CTNNA3: variants seen among roughly 807,000 people sequenced by gnomAD.
CTNNA3 encodes catenin alpha-3.
Under a neutral mutation model 95.7 loss-of-function variants are expected in CTNNA3, and 76 were observed. The observed-to-expected ratio is 0.79, with a 90% CI of 0.66 to 0.96. The LOEUF is 0.96. Ranked by LOEUF, CTNNA3 falls within the 40% of genes least tolerant of loss-of-function variation. The pLI is 0.00. For missense variants in CTNNA3, 1,191 were observed against 1,089.8 expected, an observed-to-expected ratio of 1.09 and a Z score of -1.31; for synonymous variants, 431 against 374.4, an observed-to-expected ratio of 1.15 and a Z score of -1.74.
chr10:67,477,406 C>A (rs751675488), intron 5 of CTNNA3, among the ~76,000 whole-genome samples: 37 of 152,246 alleles, frequency 2.4e-4, no homozygotes, highest in Non-Finnish European at 5.1e-4. Context: ...TGAATTAGCC[C>A]ACTGCCTGAA....
At chr10:67,371,193 T>C (rs542351894) in intron 5 of CTNNA3, among the ~76,000 whole-genome samples, 6 of 151,702 alleles carry the variant, frequency 4.0e-5, no homozygotes, top group Non-Finnish European at 8.8e-5. Context: ...CAAGAAATTG[T>C]TCCTTTTTTT....
chr10:66,186,568 AT>A (rs1247110755), intron 13 of CTNNA3, among the ~76,000 whole-genome samples: 1 of 152,228 alleles, frequency 6.6e-6, no homozygotes, highest in African/African-American at 2.4e-5. Context: ...AACATTTCAT[AT>A]GTTAATAAGA....
At chr10:67,378,122 T>G (rs1268031582) in intron 5 of CTNNA3, among the ~76,000 whole-genome samples, 1 of 152,210 alleles carries the variant, frequency 6.6e-6, no homozygotes, top group African/African-American at 2.4e-5. Flanking sequence ...TAGTGTCCTA[T>G]GTTCTACTTT....
intron 7 of CTNNA3, among the ~76,000 whole-genome samples, chr10:66,832,447 C>G (rs1414252086): frequency 6.6e-6 from 1 of 151,910 alleles, no homozygotes; most frequent in Non-Finnish European, 1.5e-5. Context: ...TTAAGGCACA[C>G]CAGTTAAGAA....
chr10:66,123,987 C>T (rs2082706559), intron 13 of CTNNA3, among the ~76,000 whole-genome samples: 1 of 152,002 alleles, frequency 6.6e-6, no homozygotes, highest in African/African-American at 2.4e-5. Flanking sequence ...GAGACATTAT[C>T]CCCATTGTCT....
intron 7 of CTNNA3, among the ~76,000 whole-genome samples, chr10:67,156,589 T>G (rs1367282496): frequency 6.6e-6 from 1 of 152,102 alleles, no homozygotes; most frequent in African/African-American, 2.4e-5. Context: ...ATTTTCCAGT[T>G]TTTCTTCTGC....
chr10:67,152,373 T>A (rs1861121502), intron 7 of CTNNA3, among the ~76,000 whole-genome samples: 1 of 152,190 alleles, frequency 6.6e-6, no homozygotes, highest in African/African-American at 2.4e-5. Context: ...GACCTAAAAA[T>A]TATGTGCCCG....
intron 5 of CTNNA3, among the ~76,000 whole-genome samples, chr10:67,459,819 T>C (rs1453879332): frequency 6.6e-6 from 1 of 152,150 alleles, no homozygotes; most frequent in East Asian, 1.9e-4. Context: ...CTTCTTATAC[T>C]TCCATCTCTG....
intron 5 of CTNNA3, among the ~76,000 whole-genome samples, chr10:67,351,916 A>G (rs1589201597): frequency 6.6e-6 from 1 of 152,152 alleles, no homozygotes; most frequent in South Asian, 2.1e-4. Context: ...ATTAACCAGA[A>G]GTCAGGCTTA....
At chr10:67,507,205 G>A (rs756713176) in intron 5 of CTNNA3, among the ~76,000 whole-genome samples, 6 of 152,124 alleles carry the variant, frequency 3.9e-5, no homozygotes, top group Non-Finnish European at 8.8e-5. Flanking sequence ...TGAAGAAATG[G>A]AAAATCTGAA....
intron 5 of CTNNA3, among the ~76,000 whole-genome samples, chr10:67,287,044 A>G (rs1038772927): frequency 1.3e-5 from 2 of 150,714 alleles, no homozygotes; most frequent in African/African-American, 5.0e-5. Context: ...CTGGAACATG[A>G]AAAAACATGC....
intron 5 of CTNNA3, among the ~76,000 whole-genome samples, chr10:67,259,233 T>G (rs1866488213): frequency 6.6e-6 from 1 of 152,114 alleles, no homozygotes; most frequent in Admixed American, 6.6e-5. Context: ...CCTAAACCCA[T>G]TCTGCGGAGT....
At chr10:67,718,859 A>G (rs1267022431) in intron 1 of CTNNA3, among the ~76,000 whole-genome samples, 1 of 152,092 alleles carries the variant, frequency 6.6e-6, no homozygotes, top group Admixed American at 6.5e-5. Flanking sequence ...TATTGTTTGG[A>G]ATAGTTTCAG....
intron 7 of CTNNA3, among the ~76,000 whole-genome samples, chr10:67,096,763 G>A (rs1182339029): frequency 1.3e-5 from 2 of 151,676 alleles, no homozygotes; most frequent in Non-Finnish European, 2.9e-5. Context: ...TCTTTAGTTG[G>A]CAAGGGAGTC....
In CTNNA3 at chr10:65,917,460, C is replaced by CTTT. The variant is rs1554813759; in HGVS notation, c.*2869_*2870insAAA. 23 of 51,150 alleles carry CTTT rather than the reference C, an allele frequency of 4.5e-4. 1 individual carries two copies. The highest frequency in any genetic ancestry group is 1.9e-3 in the African/African-American group (22 of 11,410). The allele number at this position is 51,150 out of a possible 1,614,324, so 3.2% of individuals were successfully genotyped here. A position where few individuals can be genotyped will look rare whatever the true frequency, so the allele number is the denominator to read the frequency against. On this transcript the variant is annotated 3_prime_UTR_variant, in exon 18 of 18. Coordinates refer to ENST00000433211, the MANE Select transcript of CTNNA3 (RefSeq NM_013266.4). The stretch of plus-strand genomic sequence containing the variant: ...AAGGCCATTTAGTGGATTATTATTT[C>CTTT]GTTTTTTTTTAAATTTTCATTCTAA...
chr10:66,062,813 A>C (rs957968300), intron 15 of CTNNA3, among the ~76,000 whole-genome samples: 1 of 152,110 alleles, frequency 6.6e-6, no homozygotes, highest in Non-Finnish European at 1.5e-5. Context: ...TGGGCTGCTT[A>C]GCTTTTGTAA....
At chr10:66,274,465 C>T (rs1006126031) in intron 13 of CTNNA3, among the ~76,000 whole-genome samples, 1 of 151,922 alleles carries the variant, frequency 6.6e-6, no homozygotes, top group Non-Finnish European at 1.5e-5. Context: ...AAAAGAGAAC[C>T]TCCATACATT....
At chr10:66,424,281 T>C (rs1233301218) in intron 11 of CTNNA3, among the ~76,000 whole-genome samples, 1 of 152,080 alleles carries the variant, frequency 6.6e-6, no homozygotes, top group Non-Finnish European at 1.5e-5. Flanking sequence ...CATATATTTT[T>C]GTTTATTTTA....
intron 7 of CTNNA3, among the ~76,000 whole-genome samples, chr10:66,929,685 C>T (rs905879859): frequency 2.0e-5 from 3 of 152,196 alleles, no homozygotes; most frequent in South Asian, 2.1e-4. Flanking sequence ...AATGTCCCTG[C>T]GTTCATCTGT....
Sources: allele counts gnomAD v4.1 joint callset (sites outside exome capture counted in the v4.1 genomes callset), GRCh38; gene constraint gnomAD v4.1.1; transcripts MANE v1.5; gene names NCBI Gene and HGNC (gene_info 2026-07-23, HGNC 2026-07-21).